Variants in DOCK1 observed in about 807,000 individuals in gnomAD.
The protein encoded by DOCK1 is dedicator of cytokinesis 1, also known as dedicator of cytokinesis protein 1.
In DOCK1, 138 loss-of-function variants were observed where a neutral mutation model predicts 262.7. The ratio of observed to expected loss-of-function variants is 0.53; its 90% CI spans 0.46 to 0.61. The LOEUF is 0.61. DOCK1 is among the 20% of genes least tolerant of loss of function. The probability of loss-of-function intolerance (pLI) is 0.00; values close to 1 mark genes in which losing one functional copy is unlikely to be tolerated. For missense variants in DOCK1, 1,908 were observed against 2,370.7 expected (o/e 0.80, Z 4.05); for synonymous variants, 866 against 867.4 (o/e 1.00, Z 0.03).
chr10:127,392,220 G>A (rs1345454247), intron 38 of DOCK1, among the ~76,000 whole-genome samples: 1 of 146,844 alleles, frequency 6.8e-6, no homozygotes, highest in Non-Finnish European at 1.5e-5. Context: ...GGCGAATCTT[G>A]TTAAAATCCA....
chr10:127,181,246 A>T (rs564269900), intron 27 of DOCK1, among the ~76,000 whole-genome samples: 1 of 152,360 alleles, frequency 6.6e-6, no homozygotes, highest in Admixed American at 6.5e-5. Context: ...AGCAGAAGAT[A>T]TGTCAATATT....
intron 32 of DOCK1, 95 bp from the exon 33 acceptor site, chr10:127,361,969 T>G: frequency 7.5e-7 from 1 of 1,334,278 alleles, no homozygotes; most frequent in South Asian, 1.6e-5. Flanking sequence ...CTGCTCAAAG[T>G]CACAGTGATC....
intron 45 of DOCK1, among the ~76,000 whole-genome samples, chr10:127,419,044 C>T (rs926571323): frequency 1.3e-5 from 2 of 152,296 alleles, no homozygotes; most frequent in East Asian, 3.9e-4. Flanking sequence ...AAGAAGGCCA[C>T]GCCTGTGCAC....
intron 29 of DOCK1, among the ~76,000 whole-genome samples, chr10:127,335,611 A>C (rs1391139203): frequency 6.6e-6 from 1 of 151,646 alleles, no homozygotes; most frequent in Non-Finnish European, 1.5e-5. Flanking sequence ...GCAGTGGTGC[A>C]GTCTCGGCTC....
chr10:127,111,298 G>T (rs1592068565), intron 25 of DOCK1, among the ~76,000 whole-genome samples: 2 of 152,112 alleles, frequency 1.3e-5, no homozygotes, highest in East Asian at 3.9e-4. Context: ...AATATTGAAA[G>T]AAAATGTTGA....
chr10:127,127,987 T>A (rs1164707020), intron 27 of DOCK1: 1 of 345,948 alleles, frequency 2.9e-6, no homozygotes, highest in Non-Finnish European at 5.2e-6. Flanking sequence ...CATTACTTAC[T>A]TATAGCAAAA....
chr10:127,032,782 C>G (rs11018229), intron 18 of DOCK1, among the ~76,000 whole-genome samples: 47,482 of 152,064 alleles, frequency 0.31, 7,950 homozygotes, highest in East Asian at 0.39. Flanking sequence ...TTCCCAAACT[C>G]CTGGGTTCAG....
chr10:127,369,333 G>T (rs1320293758), intron 33 of DOCK1, among the ~76,000 whole-genome samples: 1 of 152,160 alleles, frequency 6.6e-6, no homozygotes, highest in Non-Finnish European at 1.5e-5. Flanking sequence ...CTTGCCTAAA[G>T]AGGAAATATG....
chr10:127,422,691 C>A (rs1191051223), intron 46 of DOCK1, among the ~76,000 whole-genome samples: 1 of 152,176 alleles, frequency 6.6e-6, no homozygotes, highest in African/African-American at 2.4e-5. Flanking sequence ...CTCATGTAGA[C>A]AGTCTCCCTC....
intron 32 of DOCK1, among the ~76,000 whole-genome samples, chr10:127,359,736 TCA>T (rs1311904936): frequency 5.3e-5 from 8 of 152,350 alleles, no homozygotes; most frequent in Admixed American, 5.2e-4. Flanking sequence ...AAAAAGTAAT[TCA>T]GTCTAATTAT....
intron 10 of DOCK1, among the ~76,000 whole-genome samples, chr10:127,002,172 G>GA (rs2135173152): frequency 6.6e-6 from 1 of 152,146 alleles, no homozygotes; most frequent in Admixed American, 6.5e-5. Context: ...GTAGTTTTAA[G>GA]AAAATATTTA....
At chr10:127,165,058 A>G (rs61074565) in intron 27 of DOCK1, among the ~76,000 whole-genome samples, 2,301 of 152,344 alleles carry the variant, frequency 0.015, 64 homozygotes, top group African/African-American at 0.052. Flanking sequence ...GAATGAAAAT[A>G]AGAATGTGAG....
At chr10:127,250,791 C>CAAAAAAA (rs1180814401) in intron 28 of DOCK1, among the ~76,000 whole-genome samples, 16 of 64,068 alleles carry the variant, frequency 2.5e-4, no homozygotes, top group Non-Finnish European at 3.3e-4. Context: ...GACTCCGTCT[C>CAAAAAAA]AAAAAAAAAA....
chr10:127,138,522 A>G (rs999258631), intron 27 of DOCK1, among the ~76,000 whole-genome samples: 1 of 152,172 alleles, frequency 6.6e-6, no homozygotes, highest in Non-Finnish European at 1.5e-5. Flanking sequence ...CTTGGCTGAC[A>G]TTCTCCTTGT....
rs575495143 is a variant in DOCK1 at position 127,379,353 on chromosome 10, CAG to C, written c.3676-728_3676-727del. On this transcript the variant is annotated intron_variant, in intron 35 of 51. Transcript: ENST00000623213. ...AGCTTTCTCCATCAGTGTTTATACA[CAG>C]GGGGCTTTTTCAGAGGCAGCCCTCT... Among the ~76,000 whole-genome samples the C allele has an allele frequency of 1.2e-3, 186 of 152,320 alleles. 1 individual carries two copies. Among genetic ancestry groups the C allele is most frequent in the African/African-American group, 4.1e-3 (172 of 41,576 alleles).
chr10:127,284,992 C>T (rs867005549), intron 29 of DOCK1, among the ~76,000 whole-genome samples: 2 of 151,938 alleles, frequency 1.3e-5, no homozygotes, highest in Non-Finnish European at 2.9e-5. Flanking sequence ...TAAAAATTAG[C>T]TGGGTGAGGT....
At chr10:127,350,592 G>A (rs1252339849) in intron 31 of DOCK1, among the ~76,000 whole-genome samples, 1 of 152,150 alleles carries the variant, frequency 6.6e-6, no homozygotes, top group Non-Finnish European at 1.5e-5. Context: ...GGCTTTTGCA[G>A]AAACAATTCC....
intron 1 of DOCK1, among the ~76,000 whole-genome samples, chr10:126,945,230 G>A (rs1264632358): frequency 6.6e-6 from 1 of 152,126 alleles, no homozygotes; most frequent in African/African-American, 2.4e-5. Flanking sequence ...ACGGGGGACA[G>A]AGTCATTTCA....
intron 27 of DOCK1, among the ~76,000 whole-genome samples, chr10:127,239,346 T>G (rs2059181923): frequency 6.6e-6 from 1 of 152,224 alleles, no homozygotes; most frequent in Admixed American, 6.5e-5. Context: ...TAATCTCATA[T>G]TTCAAAGTAT....
Sources: gnomAD v4.1 joint callset for allele counts (sites outside exome capture counted in the v4.1 genomes callset) on GRCh38, gnomAD v4.1.1 for gene constraint, MANE v1.5 for transcripts, NCBI Gene and HGNC (gene_info 2026-07-23, HGNC 2026-07-21) for gene names.